ZNF723: variants seen among roughly 807,000 people sequenced by gnomAD.
The protein encoded by ZNF723 is zinc finger protein 723, pseudogene.
ZNF723 carries 5 observed loss-of-function variants against 9.4 expected under a neutral mutation model. The observed-to-expected ratio is 0.53, with a 90% confidence interval of 0.28 to 1.12. The LOEUF (loss-of-function observed/expected upper bound fraction) is 1.12. Ranked by LOEUF, ZNF723 falls within the 50% of genes most tolerant of loss-of-function variation. The pLI, the probability that ZNF723 is intolerant of heterozygous loss-of-function variation, is 0.10. For missense variants in ZNF723, 450 were observed against 501.5 expected (o/e 0.90, Z 0.98); for synonymous variants, 158 against 168.8 (o/e 0.94, Z 0.49).
intron 1 of ZNF723, among the ~76,000 whole-genome samples, chr19:22,841,892 GA>G (rs1323195924): frequency 6.6e-6 from 1 of 151,930 alleles, no homozygotes; most frequent in African/African-American, 2.4e-5. Context: ...CAAAAAAAAA[GA>G]AAAAAACAAA....
At chr19:22,850,752 G>A (rs1171460731) in intron 3 of ZNF723, among the ~76,000 whole-genome samples, 1 of 152,024 alleles carries the variant, frequency 6.6e-6, no homozygotes, top group East Asian at 1.9e-4. Context: ...TATTTTTTTA[G>A]ATACGTTTTT....
intron 1 of ZNF723, among the ~76,000 whole-genome samples, chr19:22,844,652 A>G (rs1283726959): frequency 6.6e-6 from 1 of 152,194 alleles, no homozygotes; most frequent in Non-Finnish European, 1.5e-5. Context: ...ACTTTAAAGA[A>G]CCAGCAAAGA....
intron 3 of ZNF723, among the ~76,000 whole-genome samples, chr19:22,856,812 A>G (rs912240657): frequency 2.0e-5 from 3 of 152,204 alleles, no homozygotes; most frequent in African/African-American, 7.2e-5. Context: ...CTTACAATTT[A>G]CTTGTAAAGG....
intron 3 of ZNF723, among the ~76,000 whole-genome samples, chr19:22,855,199 A>T (rs2145231607): frequency 6.6e-6 from 1 of 152,012 alleles, no homozygotes; most frequent in Non-Finnish European, 1.5e-5. Flanking sequence ...TTTCCTAGAA[A>T]ATAATGTATT....
chr19:22,829,088 G>A (rs536806779), upstream of ZNF723, among the ~76,000 whole-genome samples: 12 of 152,044 alleles, frequency 7.9e-5, no homozygotes, highest in African/African-American at 2.2e-4. Context: ...CAGGAGAATC[G>A]TTTGAACCTG....
chr19:22,816,762 A>G, the ZNF723 span, among the ~76,000 whole-genome samples: 4 of 152,238 alleles, frequency 2.6e-5, no homozygotes, highest in Non-Finnish European at 5.9e-5. Flanking sequence ...CACATAGGCT[A>G]TGTGACTGTC....
the ZNF723 span, among the ~76,000 whole-genome samples, chr19:22,815,935 C>G: frequency 3.3e-5 from 5 of 152,226 alleles, no homozygotes; most frequent in African/African-American, 9.6e-5. Flanking sequence ...CACGTTGACA[C>G]AGCCCACAGT....
At chr19:22,855,590 A>G (rs745444008) in intron 3 of ZNF723, among the ~76,000 whole-genome samples, 6 of 152,210 alleles carry the variant, frequency 3.9e-5, no homozygotes, top group Non-Finnish European at 7.3e-5. Context: ...TCTTTTATGT[A>G]TAGGGCACAT....
the ZNF723 span, among the ~76,000 whole-genome samples, chr19:22,819,227 A>G: frequency 2.0e-5 from 3 of 152,194 alleles, no homozygotes; most frequent in African/African-American, 7.2e-5. Flanking sequence ...ACAGGAGGCA[A>G]TGTGACTTAT....
intron 1 of ZNF723, among the ~76,000 whole-genome samples, chr19:22,843,882 A>AT: frequency 6.6e-6 from 1 of 152,328 alleles, no homozygotes; most frequent in African/African-American, 2.4e-5. Flanking sequence ...AAAAAAAATT[A>AT]TACAAACTCT....
At chr19:22,815,984 T>C in the ZNF723 span, among the ~76,000 whole-genome samples, 2 of 152,156 alleles carry the variant, frequency 1.3e-5, no homozygotes, top group Non-Finnish European at 2.9e-5. Context: ...CCAGCTACAA[T>C]TGGGATGGTG....
At chr19:22,821,835 G>T in the ZNF723 span, among the ~76,000 whole-genome samples, 1 of 152,204 alleles carries the variant, frequency 6.6e-6, no homozygotes, top group South Asian at 2.1e-4. Context: ...TTGGCCAGGT[G>T]CAGTGGCTCA....
intron 1 of ZNF723, among the ~76,000 whole-genome samples, chr19:22,844,279 A>T (rs529107032): frequency 2.3e-4 from 33 of 143,426 alleles, no homozygotes; most frequent in Non-Finnish European, 4.7e-4. Context: ...TCCACTAGTC[A>T]CACAAAAAAA....
intron 1 of ZNF723, among the ~76,000 whole-genome samples, chr19:22,838,677 A>G (rs1161685167): frequency 6.6e-6 from 1 of 152,046 alleles, no homozygotes; most frequent in Non-Finnish European, 1.5e-5. Flanking sequence ...ATGGCCACAC[A>G]GTATTCCATG....
chr19:22,824,747 CTCACA>C, the ZNF723 span, among the ~76,000 whole-genome samples: 1 of 152,168 alleles, frequency 6.6e-6, no homozygotes, highest in Admixed American at 6.5e-5. Context: ...GGTCCCAAAT[CTCACA>C]TGTAAATGCT....
At chr19:22,833,426 C>T (rs1037352444) in intron 1 of ZNF723, among the ~76,000 whole-genome samples, 1 of 151,986 alleles carries the variant, frequency 6.6e-6, no homozygotes, top group Non-Finnish European at 1.5e-5. Flanking sequence ...GCTGGGAGTA[C>T]AGGCGTGAGC....
rs367581615 is a variant in ZNF723, at chr19:22,844,936, T to G, written c.4-3325T>G. ...ATCGAGACCATCCTGGCTAACATGGTGAAACCCCATCTCTACTAAAAATAG... is the reference window on the plus strand; with the variant it reads ...ATCGAGACCATCCTGGCTAACATGGGGAAACCCCATCTCTACTAAAAATAG... On this transcript the variant is annotated intron_variant, in intron 1 of 3. Coordinates refer to ENST00000600766, the MANE Select transcript of ZNF723 (RefSeq NM_001349726.2). 5.9e-4 allele frequency among the ~76,000 whole-genome samples: 90 copies of G among 152,098 alleles called. 1 individual carries two copies. The highest frequency in any genetic ancestry group is 5.2e-3 in the South Asian group (25 of 4,814).
intron 1 of ZNF723, 46 bp from the exon 2 acceptor site, chr19:22,848,215 C>A (rs1233791640): frequency 5.8e-6 from 4 of 690,800 alleles, no homozygotes; most frequent in Non-Finnish European, 9.3e-6. Flanking sequence ...CTGCCGTTGG[C>A]CACCCGGTAA....
At chr19:22,846,788 A>G (rs1316528003) in intron 1 of ZNF723, among the ~76,000 whole-genome samples, 1 of 117,708 alleles carries the variant, frequency 8.5e-6, no homozygotes, top group Non-Finnish European at 1.8e-5. Context: ...ATGTTTCTGT[A>G]TGGTTGCATT....
Sources: allele counts gnomAD v4.1 joint callset (sites outside exome capture counted in the v4.1 genomes callset), GRCh38; gene constraint gnomAD v4.1.1; transcripts MANE v1.5; gene names NCBI Gene and HGNC (gene_info 2026-07-23, HGNC 2026-07-21).